The following MAPKAPK2 variants were observed in gnomAD, a reference collection of about 807,000 sequenced individuals.
The protein encoded by MAPKAPK2 is MAP kinase-activated protein kinase 2.
Under a neutral mutation model 48.8 loss-of-function variants are expected in MAPKAPK2, and 9 were observed. The observed-to-expected ratio is 0.18, with a 90% CI of 0.11 to 0.32. The LOEUF (loss-of-function observed/expected upper bound fraction) is 0.32. MAPKAPK2 is among the 10% of genes least tolerant of loss of function. MAPKAPK2 has a pLI of 1.00. For missense variants in MAPKAPK2, 331 were observed against 498.3 expected (o/e 0.66, Z 3.20); for synonymous variants, 202 against 190.6 (o/e 1.06, Z -0.49).
rs1397168455 is a variant in MAPKAPK2 at position 206,704,770 on chromosome 1, C to T, written c.279+19262C>T. Among the ~76,000 whole-genome samples the T allele has an allele frequency of 6.6e-6, 1 of 152,172 alleles. No homozygotes were observed. Among genetic ancestry groups the T allele is most frequent in the East Asian group, 1.9e-4 (1 of 5,196 alleles). On this transcript the variant is annotated intron_variant, in intron 1 of 9. Transcript: ENST00000367103. The surrounding 1 kb of genome is among the most constrained non-coding windows in gnomAD (Gnocchi z 4.3). Reference sequence around the variant, plus strand: ...GTGTGTGTGCACTTCTTAATCTGTCCATTCATCTGTTCACTGCAGGCTTAT... The same window carrying T: ...GTGTGTGTGCACTTCTTAATCTGTCTATTCATCTGTTCACTGCAGGCTTAT...
chr1:206,706,314 G>T lies in MAPKAPK2; in HGVS notation c.279+20806G>T, dbSNP rs3934748. ...CTGGCCACAGCCACAGAGACCCAGA[G>T]TCACTCAGATGGGGGAGGAGCAAAG... On this transcript the variant is annotated intron_variant, in intron 1 of 9. Coordinates refer to ENST00000367103, the MANE Select transcript of MAPKAPK2 (RefSeq NM_032960.4). Among the ~76,000 whole-genome samples, 1,319 of 152,148 alleles carry T rather than the reference G, an allele frequency of 8.7e-3. 10 individuals are homozygous for T. The highest frequency in any genetic ancestry group is 0.027 in the Middle Eastern group (8 of 294).
At chr1:206,687,252 G>A in intron 1 of MAPKAPK2, among the ~76,000 whole-genome samples, 1 of 152,204 alleles carries the variant, frequency 6.6e-6, no homozygotes, top group Non-Finnish European at 1.5e-5. Flanking sequence ...CTGTTTAATA[G>A]ACACACGCAC....
intron 1 of MAPKAPK2, among the ~76,000 whole-genome samples, chr1:206,725,106 CTAATGGGT>C (rs1673663698): frequency 6.6e-6 from 1 of 152,242 alleles, no homozygotes; most frequent in Non-Finnish European, 1.5e-5. Flanking sequence ...TCCGTCTCCT[CTAATGGGT>C]AGAGAGTTTG....
rs1441263528 is a variant in MAPKAPK2, at chr1:206,734,032, G to A, written c.*1314G>A. The A allele has an allele frequency of 6.6e-6, 1 of 152,628 alleles. No homozygotes were observed. Among genetic ancestry groups the A allele is most frequent in the African/African-American group, 2.4e-5 (1 of 41,434 alleles). 9.5% of individuals were successfully genotyped at this position (152,628 alleles called of 1,614,324 possible). A position where few individuals can be genotyped will look rare whatever the true frequency, so the allele number is the denominator to read the frequency against. On this transcript the variant is annotated 3_prime_UTR_variant, in exon 10 of 10. Transcript: ENST00000367103. ...CCCCAGCACAGATGAGGAGCAGCTGGGGTAGGCTGTCTGTGCCATGGCCCC... is the reference window on the plus strand; with the variant it reads ...CCCCAGCACAGATGAGGAGCAGCTGAGGTAGGCTGTCTGTGCCATGGCCCC...
intron 1 of MAPKAPK2, among the ~76,000 whole-genome samples, chr1:206,709,125 G>A (rs1553429095): frequency 6.6e-6 from 1 of 152,184 alleles, no homozygotes; most frequent in Admixed American, 6.5e-5. Context: ...TGATTGCAGA[G>A]TTACAGGAGG....
At chr1:206,695,911 T>C (rs1188128469) in intron 1 of MAPKAPK2, 5 of 629,028 alleles carry the variant, frequency 7.9e-6, no homozygotes, top group Non-Finnish European at 1.4e-5. Flanking sequence ...CCGATCTTCA[T>C]ACCTGAGCGG....
At position 206,733,669 on chromosome 1, in the gene MAPKAPK2, C is replaced by T. The variant is rs1674013903; in HGVS notation, c.*951C>T. 6.6e-6 allele frequency: 1 copy of T among 152,266 alleles called. No homozygotes were observed. The highest frequency in any genetic ancestry group is 2.4e-5 in the African/African-American group (1 of 41,410). The allele number at this position is 152,266 out of a possible 1,614,324, so 9.4% of individuals were successfully genotyped here. On this transcript the variant is annotated 3_prime_UTR_variant, in exon 10 of 10. Transcript: ENST00000367103. ...CTGAATGACCTCTCTACTTCCCCTTCTTGCCATTATTAACCCATTTTTGTT... is the reference window on the plus strand; with the variant it reads ...CTGAATGACCTCTCTACTTCCCCTTTTTGCCATTATTAACCCATTTTTGTT...
At chr1:206,696,748 A>G (rs1227876709) in intron 1 of MAPKAPK2, among the ~76,000 whole-genome samples, 2 of 152,216 alleles carry the variant, frequency 1.3e-5, no homozygotes, top group Non-Finnish European at 2.9e-5. Flanking sequence ...CATTATATGC[A>G]TTATACTTAG....
chr1:206,725,313 G>C (rs1553431740), intron 1 of MAPKAPK2, among the ~76,000 whole-genome samples: 1 of 152,178 alleles, frequency 6.6e-6, no homozygotes, highest in Non-Finnish European at 1.5e-5. Context: ...GCACAGCTCT[G>C]GTTGGCAGAT....
intron 1 of MAPKAPK2, among the ~76,000 whole-genome samples, chr1:206,700,468 C>T (rs1553427752): frequency 6.6e-6 from 1 of 152,184 alleles, no homozygotes; most frequent in Admixed American, 6.5e-5. Context: ...ACTCAGATAA[C>T]CACCTTGTTG....
rs1672238779 is a variant in MAPKAPK2, at chr1:206,685,228, C to T, written c.-2C>T. The T allele has an allele frequency of 2.2e-6, 1 of 456,878 alleles. No individual in the cohort carries two copies. Among genetic ancestry groups the T allele is most frequent in the Non-Finnish European group, 3.5e-6 (1 of 287,606 alleles). The allele number at this position is 456,878 out of a possible 1,614,324, so 28.3% of individuals were successfully genotyped here. A position where few individuals can be genotyped will look rare whatever the true frequency, so the allele number is the denominator to read the frequency against. On this transcript the variant is annotated 5_prime_UTR_variant, in exon 1 of 10. Transcript: ENST00000367103. ...GCCTGTGCCCCGGCGTCCCCGGGCA[C>T]CATGCTGTCCAACTCCCAGGGCCAG...
intron 1 of MAPKAPK2, among the ~76,000 whole-genome samples, chr1:206,703,358 G>T (rs1382098655): frequency 2.0e-5 from 3 of 152,212 alleles, no homozygotes; most frequent in Admixed American, 2.0e-4. Flanking sequence ...TGGAACCAAA[G>T]ATTTCTCTCT....
chr1:206,720,644 C>T (rs781874971), intron 1 of MAPKAPK2, among the ~76,000 whole-genome samples: 1 of 152,164 alleles, frequency 6.6e-6, no homozygotes, highest in Non-Finnish European at 1.5e-5. Flanking sequence ...TAGATGTGAG[C>T]CACTATGGCC....
Position 206,730,733 on chromosome 1 carries a change from T to G in MAPKAPK2, c.737T>G (p.Met246Arg), listed in dbSNP as rs1673873795. ...GPEKYDKSCD[M>R]WSLGVIMYIL... ...GAGAAGTATGACAAGTCCTGTGACA[T>G]GTGGTCCCTGGGTGTCATCATGTAC... The change falls in exon 6 of 10, where the codon ATG becomes AGG. Residue 246 changes from methionine to arginine, a missense_variant. Around this residue, in one of 4 missense-constraint regions of MAPKAPK2, gnomAD observed 3 missense variants for 29.2 expected, o/e 0.10. Transcript: ENST00000367103. 6.3e-7 allele frequency: 1 copy of G among 1,583,504 alleles called. No homozygotes were observed. The highest frequency in any genetic ancestry group is 8.6e-7 in the Non-Finnish European group (1 of 1,163,026).
At chr1:206,691,506 C>A (rs199880597) in intron 1 of MAPKAPK2, among the ~76,000 whole-genome samples, 1 of 24,780 alleles carries the variant, frequency 4.0e-5, no homozygotes, top group Non-Finnish European at 1.1e-4. Flanking sequence ...TATATATATA[C>A]ACACATACAC....
chr1:206,731,461 T>TG lies in MAPKAPK2; in HGVS notation c.893-175dup. On this transcript the variant is annotated intron_variant, in intron 7 of 9. Coordinates refer to ENST00000367103, the MANE Select transcript of MAPKAPK2 (RefSeq NM_032960.4). The surrounding 1 kb of genome is among the most constrained non-coding windows in gnomAD (Gnocchi z 5.9). ...AGGGCTGGAGGCAGGGCCAAGGCTGTGGGGCTGTGCAGGGCCTCTCAAGTG... is the reference window on the plus strand; with the variant it reads ...AGGGCTGGAGGCAGGGCCAAGGCTGTGGGGGCTGTGCAGGGCCTCTCAAGTG... 8.5e-7 allele frequency: 1 copy of TG among 1,182,620 alleles called. No individual in the cohort carries two copies. Among genetic ancestry groups the TG allele is most frequent in the South Asian group, 1.4e-5 (1 of 69,672 alleles). The allele number at this position is 1,182,620 out of a possible 1,614,324, so 73.3% of individuals were successfully genotyped here. A position where few individuals can be genotyped will look rare whatever the true frequency, so the allele number is the denominator to read the frequency against.
Position 206,732,675 on chromosome 1 carries a change from G to A in MAPKAPK2, c.1160G>A (p.Arg387Gln), listed in dbSNP as rs1572520041. ...DASNPLLLKR[R>Q]KKARALEAAA... ...TCCAACCCTCTGCTGCTGAAGAGGC[G>A]GAAGAAAGCTCGGGCCCTGGAGGCT... The change falls in exon 10 of 10, where the codon CGG (arginine) becomes CAG (glutamine). Residue 387 changes from arginine to glutamine, a missense_variant. By Grantham distance (43) the Arg-to-Gln change is conservative (BLOSUM62 1). Around this residue, in one of 4 missense-constraint regions of MAPKAPK2, gnomAD observed 124 missense variants for 194.6 expected, o/e 0.64. Coordinates refer to ENST00000367103, the MANE Select transcript of MAPKAPK2 (RefSeq NM_032960.4). The surrounding 1 kb of genome is among the most constrained non-coding windows in gnomAD (Gnocchi z 4.4). 3 of 1,614,216 alleles carry A rather than the reference G, an allele frequency of 1.9e-6. No individual in the cohort carries two copies. Among genetic ancestry groups the A allele is most frequent in the East Asian group, 2.2e-5 (1 of 44,888 alleles).
intron 1 of MAPKAPK2, among the ~76,000 whole-genome samples, chr1:206,706,697 G>A (rs1672970676): frequency 6.6e-6 from 1 of 152,198 alleles, no homozygotes; most frequent in South Asian, 2.1e-4. Flanking sequence ...CACCGCTGCT[G>A]GGAAGACGTT....
At chr1:206,719,506 G>A (rs570673926) in intron 1 of MAPKAPK2, among the ~76,000 whole-genome samples, 43 of 152,322 alleles carry the variant, frequency 2.8e-4, no homozygotes, top group African/African-American at 9.9e-4. Context: ...GTGCACCCAC[G>A]TGAAGGGTCT....
Sources: allele counts gnomAD v4.1 joint callset (sites outside exome capture counted in the v4.1 genomes callset), GRCh38; gene constraint gnomAD v4.1.1; regional missense constraint gnomAD v4.1.1; non-coding constraint Gnocchi (gnomAD v3.1); transcripts MANE v1.5; gene names NCBI Gene and HGNC (gene_info 2026-07-23, HGNC 2026-07-21).